The following LRRC7 variants were observed in gnomAD, a reference collection of about 807,000 sequenced individuals.
LRRC7 encodes the protein leucine rich repeat containing 7.
A neutral mutation model predicts 175.7 loss-of-function variants in LRRC7; 23 were observed. The ratio of observed to expected loss-of-function variants is 0.13; its 90% confidence interval spans 0.09 to 0.19. LRRC7 has a LOEUF of 0.19. Among genes scored for constraint, LRRC7 ranks in the 10% least tolerant of loss-of-function variants. The pLI is 1.00. For missense variants in LRRC7, 1,354 were observed against 1,904.7 expected (o/e 0.71, Z 5.38); for synonymous variants, 685 against 680.9 (o/e 1.01, Z -0.09).
chr1:70,101,276 CAT>C (rs1375741598), intron 25 of LRRC7, among the ~76,000 whole-genome samples: 7 of 152,216 alleles, frequency 4.6e-5, no homozygotes, highest in South Asian at 2.1e-4. Context: ...ATTTTTAACT[CAT>C]GTGTTCTGAA....
chr1:70,076,354 T>G (rs1255873017), intron 24 of LRRC7, 56 bp downstream of exon 24: 2 of 1,526,630 alleles, frequency 1.3e-6, no homozygotes, highest in Non-Finnish European at 1.8e-6. Flanking sequence ...GTCCAAAGAA[T>G]CCATGGTTGG....
At chr1:69,851,192 G>A (rs1682939554) in intron 7 of LRRC7, among the ~76,000 whole-genome samples, 1 of 152,126 alleles carries the variant, frequency 6.6e-6, no homozygotes, top group South Asian at 2.1e-4. Flanking sequence ...TCATTGAGAG[G>A]AGTTTGATAA....
At chr1:69,657,573 G>C in intron 1 of LRRC7, among the ~76,000 whole-genome samples, 1 of 151,764 alleles carries the variant, frequency 6.6e-6, no homozygotes, top group Non-Finnish European at 1.5e-5. Flanking sequence ...TGTGTCTTCT[G>C]TATGTAAAGT....
In LRRC7 at chr1:70,010,572, G is replaced by GA. The variant is rs200426713; in HGVS notation, c.1005-1216dup. Among the ~76,000 whole-genome samples the GA allele has an allele frequency of 5.0e-3, 753 of 149,850 alleles. 6 individuals carry two copies. Among genetic ancestry groups the GA allele is most frequent in the African/African-American group, 0.016 (670 of 40,942 alleles). ...AGAGCAAGACTACATCTCAACAAAA[G>GA]AAAAAAAAAGGATTCTAATTCTACA... is the stretch of plus-strand genomic sequence containing the variant. On this transcript the variant is annotated intron_variant, in intron 11 of 26. Transcript: ENST00000651989.
At chr1:70,092,589 CAGGGAAATGA>C (rs1455207535) in intron 25 of LRRC7, among the ~76,000 whole-genome samples, 2 of 152,040 alleles carry the variant, frequency 1.3e-5, no homozygotes, top group Non-Finnish European at 2.9e-5. Context: ...AAACTAGTTT[CAGGGAAATGA>C]CAAGGACCAA....
At chr1:69,729,443 A>G (rs1312258513) in intron 2 of LRRC7, among the ~76,000 whole-genome samples, 1 of 152,180 alleles carries the variant, frequency 6.6e-6, no homozygotes, top group Non-Finnish European at 1.5e-5. Context: ...TATTATGTAA[A>G]TATACCCATT....
At chr1:69,742,085 A>T (rs1668774619) in intron 2 of LRRC7, among the ~76,000 whole-genome samples, 1 of 152,100 alleles carries the variant, frequency 6.6e-6, no homozygotes, top group Admixed American at 6.6e-5. Flanking sequence ...TATGTGAGTT[A>T]TGTGACATAA....
chr1:70,121,884 C>A lies in LRRC7; in HGVS notation c.4725C>A (p.Val1575=). 6.3e-7 allele frequency: 1 copy of A among 1,585,026 alleles called. No homozygotes were observed. Among genetic ancestry groups the A allele is most frequent in the African/African-American group, 1.3e-5 (1 of 74,280 alleles). Residue 1575 remains valine (V), a synonymous_variant, in exon 27 of 27, where the codon GTC becomes GTA. Coordinates refer to ENST00000651989, the MANE Select transcript of LRRC7 (RefSeq NM_001370785.2). ...VDLVIQRELT[V] ...TAGTTATTCAACGTGAGCTTACTGT[C>A]TAAATATTTTTTATAAATAGTGAAG...
intron 8 of LRRC7, among the ~76,000 whole-genome samples, chr1:69,935,887 C>G (rs1396533051): frequency 6.6e-6 from 1 of 152,062 alleles, no homozygotes; most frequent in South Asian, 2.1e-4. Flanking sequence ...AAGTCCTTCC[C>G]TCCTCAAAGC....
At position 70,126,287 on chromosome 1, in the gene LRRC7, G is replaced by A. The variant is rs1023235267; in HGVS notation, c.*4400G>A. ...CAAACAGCAAGTTTATTGGCACACT[G>A]GGTCAATAAAAAGTTATGCAAATAA... On this transcript the variant is annotated 3_prime_UTR_variant, in exon 27 of 27. Coordinates refer to ENST00000651989, the MANE Select transcript of LRRC7 (RefSeq NM_001370785.2). 6.6e-6 allele frequency among the ~76,000 whole-genome samples: 1 copy of A among 151,770 alleles called. No individual in the cohort carries two copies. The highest frequency in any genetic ancestry group is 1.5e-5 in the Non-Finnish European group (1 of 67,990).
chr1:69,751,998 C>A (rs919288237), intron 2 of LRRC7, among the ~76,000 whole-genome samples: 1 of 152,012 alleles, frequency 6.6e-6, no homozygotes, highest in Admixed American at 6.6e-5. Context: ...AAACCATGTA[C>A]AAGGATTACA....
intron 1 of LRRC7, among the ~76,000 whole-genome samples, chr1:69,671,293 G>T (rs1328727628): frequency 6.6e-6 from 1 of 152,122 alleles, no homozygotes; most frequent in Non-Finnish European, 1.5e-5. Flanking sequence ...TATCATGTAG[G>T]AAGTAGGGCC....
intron 7 of LRRC7, among the ~76,000 whole-genome samples, chr1:69,875,504 T>C (rs1685960870): frequency 6.6e-6 from 1 of 152,066 alleles, no homozygotes; most frequent in Non-Finnish European, 1.5e-5. Flanking sequence ...ATAAATACAA[T>C]TGAATATAAT....
rs556530165 is a variant in LRRC7 at position 69,721,330 on chromosome 1, A to G, written c.101-38861A>G. Reference sequence around the variant, plus strand: ...TGACTTATATCCACAATTATAGTATAATACGGAATAGTTTCACTGCCCTAA... The same window carrying G: ...TGACTTATATCCACAATTATAGTATGATACGGAATAGTTTCACTGCCCTAA... On this transcript the variant is annotated intron_variant, in intron 2 of 26. Coordinates refer to ENST00000651989, the MANE Select transcript of LRRC7 (RefSeq NM_001370785.2). Among the ~76,000 whole-genome samples the G allele has an allele frequency of 2.0e-5, 3 of 152,024 alleles. No homozygotes were observed. The South Asian group carries it at 6.2e-4, about 31-fold the overall frequency.
chr1:70,085,527 A>G (rs1663538591), intron 24 of LRRC7, among the ~76,000 whole-genome samples: 1 of 152,106 alleles, frequency 6.6e-6, no homozygotes, highest in Non-Finnish European at 1.5e-5. Flanking sequence ...TCTTTAGGGC[A>G]TTTATAATTG....
intron 1 of LRRC7, among the ~76,000 whole-genome samples, chr1:69,669,496 C>A (rs946939311): frequency 1.3e-5 from 2 of 152,098 alleles, no homozygotes; most frequent in Admixed American, 6.6e-5. Flanking sequence ...CTTTTAGGAC[C>A]TTTTCTTTAT....
intron 23 of LRRC7, among the ~76,000 whole-genome samples, chr1:70,054,248 G>T (rs1239735678): frequency 6.6e-6 from 1 of 151,874 alleles, no homozygotes; most frequent in African/African-American, 2.4e-5. Context: ...ATTACACAAA[G>T]GAATATTTCA....
intron 11 of LRRC7, 104 bp from the exon 12 acceptor site, chr1:70,011,693 C>G (rs1373829811): frequency 1.4e-6 from 1 of 698,232 alleles, no homozygotes. Context: ...ATGTTGTTAC[C>G]GCATGAATAA....
chr1:69,993,864 A>C (rs2101910800), intron 10 of LRRC7, among the ~76,000 whole-genome samples: 1 of 152,306 alleles, frequency 6.6e-6, no homozygotes, highest in Non-Finnish European at 1.5e-5. Flanking sequence ...ATTATGCCAA[A>C]TGCAGCTGTT....
Sources: gnomAD v4.1 joint callset for allele counts (sites outside exome capture counted in the v4.1 genomes callset) on GRCh38, gnomAD v4.1.1 for gene constraint, MANE v1.5 for transcripts, NCBI Gene and HGNC (gene_info 2026-07-23, HGNC 2026-07-21) for gene names.